Variants in ZNF469 observed in about 807,000 individuals in gnomAD.
ZNF469 encodes zinc finger protein 469.
ZNF469 carries 1 observed loss-of-function variant against 1.0 expected under a neutral mutation model. The ratio of observed to expected loss-of-function variants is 1.00; its 90% CI spans 0.35 to 4.73. The LOEUF is 4.73. Ranked by LOEUF, ZNF469 falls within the 30% of genes most tolerant of loss-of-function variation. ZNF469 has a pLI of 0.16. For missense variants in ZNF469, 6,100 were observed against 5,356.3 expected (o/e 1.14, Z -4.33); for synonymous variants, 2,703 against 2,363.4 (o/e 1.14, Z -4.17).
At chr16:88,397,373 T>C (rs115800288) in intron 1 of ZNF469, among the ~76,000 whole-genome samples, 1,676 of 152,268 alleles carry the variant, frequency 0.011, 39 homozygotes, top group African/African-American at 0.038. Context: ...GGAGTGCCTT[T>C]CCTTCATCAT....
rs1460917743 is a variant in ZNF469, at chr16:88,438,222, A to G, written c.10752A>G (p.Pro3584=). Reference sequence around the variant, plus strand: ...AGAGGCCAGAGAACGAGGCTTCCCCAGGCAGCCCCGGGCCTCTTCTCCAGC... The same window carrying G: ...AGAGGCCAGAGAACGAGGCTTCCCCGGGCAGCCCCGGGCCTCTTCTCCAGC... ...ALERPENEAS[P]GSPGPLLQQA... is the part of the protein sequence containing the mutation. The change falls in exon 3 of 3, where the codon CCA becomes CCG. Residue 3584 remains proline, a synonymous_variant. Coordinates refer to ENST00000565624, the MANE Select transcript of ZNF469 (RefSeq NM_001367624.2). 1 of 1,546,804 alleles carries G rather than the reference A, an allele frequency of 6.5e-7. No individual in the cohort carries two copies. The highest frequency in any genetic ancestry group is 2.5e-5 in the East Asian group (1 of 40,814).
chr16:88,143,329 C>T, the ZNF469 span, among the ~76,000 whole-genome samples: 1 of 152,252 alleles, frequency 6.6e-6, no homozygotes, highest in East Asian at 1.9e-4. Context: ...GGGCCGTCTC[C>T]AGCCTTAAGG....
chr16:88,286,407 G>A, the ZNF469 span, among the ~76,000 whole-genome samples: 4 of 152,220 alleles, frequency 2.6e-5, no homozygotes, highest in South Asian at 2.1e-4. Flanking sequence ...CTCTGAGCTC[G>A]CTGGTGCCCT....
the ZNF469 span, among the ~76,000 whole-genome samples, chr16:88,282,250 G>A: frequency 1.3e-5 from 2 of 152,194 alleles, no homozygotes; most frequent in Non-Finnish European, 1.5e-5. Flanking sequence ...GCTCCACAGG[G>A]GTGCACCTTG....
rs552446802 is a variant in ZNF469, at chr16:88,439,319, A to C, written c.11849A>C (p.Asp3950Ala). 2.6e-5 allele frequency: 41 copies of C among 1,550,324 alleles called. No individual in the cohort carries two copies. The East Asian group carries it at 9.0e-4, about 34-fold the overall frequency. The change falls in exon 3 of 3, where the codon GAT becomes GCT. Residue 3950 changes from aspartate to alanine, a missense_variant. Physicochemically the swap from Asp to Ala is moderately radical, Grantham distance 126 (BLOSUM62 -2). Transcript: ENST00000565624. The stretch of plus-strand genomic sequence containing the variant: ...GGCTTCAAAATCCCTTTAAAGAAAG[A>C]TGCTTCCGAGTAATTTCTAGGAGCA... ...LTGFKIPLKK[D>A]ASE
the ZNF469 span, among the ~76,000 whole-genome samples, chr16:88,107,491 T>C: frequency 6.6e-6 from 1 of 152,160 alleles, no homozygotes; most frequent in Non-Finnish European, 1.5e-5. Flanking sequence ...CACCGCCCCC[T>C]GGGCTCTCCC....
chr16:88,313,486 G>A, the ZNF469 span, among the ~76,000 whole-genome samples: 1 of 152,152 alleles, frequency 6.6e-6, no homozygotes, highest in African/African-American at 2.4e-5. Flanking sequence ...ATGCTGGTGT[G>A]GACTGTCTCT....
chr16:88,252,184 G>C, the ZNF469 span, among the ~76,000 whole-genome samples: 7,932 of 105,150 alleles, frequency 0.075, 1,301 homozygotes, highest in African/African-American at 0.23. Flanking sequence ...TCAAGAAGTG[G>C]CTCCACTCTG....
At chr16:88,286,650 C>A in the ZNF469 span, among the ~76,000 whole-genome samples, 5 of 152,246 alleles carry the variant, frequency 3.3e-5, no homozygotes, top group Admixed American at 6.5e-5. Context: ...TGACAAGATG[C>A]CATCATTCAG....
intron 1 of ZNF469, among the ~76,000 whole-genome samples, chr16:88,396,696 G>C (rs1904680089): frequency 6.7e-6 from 1 of 148,972 alleles, no homozygotes; most frequent in Non-Finnish European, 1.5e-5. Context: ...CGTCTGAAGG[G>C]AGGCCAGATG....
the ZNF469 span, among the ~76,000 whole-genome samples, chr16:88,131,117 G>A: frequency 0.033 from 5,017 of 151,896 alleles, no homozygotes; most frequent in African/African-American, 0.11. Context: ...ATCGTCTCCT[G>A]GAAATCAATT....
At chr16:88,116,066 C>G in the ZNF469 span, among the ~76,000 whole-genome samples, 1 of 152,224 alleles carries the variant, frequency 6.6e-6, no homozygotes, top group South Asian at 2.1e-4. Flanking sequence ...GGAAAGTATT[C>G]ACTAACACAC....
chr16:88,323,470 T>A, the ZNF469 span, among the ~76,000 whole-genome samples: 1 of 152,206 alleles, frequency 6.6e-6, no homozygotes, highest in Non-Finnish European at 1.5e-5. Context: ...CTGACATCAC[T>A]CAGCAGCAAA....
At chr16:88,208,321 C>T in the ZNF469 span, among the ~76,000 whole-genome samples, 8 of 150,788 alleles carry the variant, frequency 5.3e-5, no homozygotes, top group Non-Finnish European at 8.8e-5. Context: ...TGTCACGTGC[C>T]GCAATCTGGA....
chr16:88,345,027 A>G, the ZNF469 span, among the ~76,000 whole-genome samples: 1 of 152,178 alleles, frequency 6.6e-6, no homozygotes, highest in Admixed American at 6.5e-5. Flanking sequence ...AGAGCCCTAC[A>G]GCAGGTTCTA....
chr16:88,246,739 C>G, the ZNF469 span, among the ~76,000 whole-genome samples: 854 of 152,286 alleles, frequency 5.6e-3, 12 homozygotes, highest in African/African-American at 0.019. Flanking sequence ...AAAGAGGTGA[C>G]TGTGAGTGAG....
chr16:88,430,076 C>T lies in ZNF469; in HGVS notation c.2606C>T (p.Ala869Val). 2 of 1,550,362 alleles carry T rather than the reference C, an allele frequency of 1.3e-6. No homozygotes were observed. The highest frequency in any genetic ancestry group is 2.4e-5 in the East Asian group (1 of 40,922). Reference protein sequence around the residue: ...EIDSSFIDVFADEEPSGPRGP... With the variant: ...EIDSSFIDVFVDEEPSGPRGP... ...GACAGCAGCTTCATCGACGTCTTCG[C>T]GGACGAGGAGCCTTCCGGCCCCAGA... The change falls in exon 3 of 3, where the codon GCG (alanine) becomes GTG (valine). Residue 869 changes from alanine (A) to valine (V), a missense_variant. Coordinates refer to ENST00000565624, the MANE Select transcript of ZNF469 (RefSeq NM_001367624.2).
At chr16:88,223,606 C>T in the ZNF469 span, among the ~76,000 whole-genome samples, 2 of 152,286 alleles carry the variant, frequency 1.3e-5, no homozygotes, top group East Asian at 1.9e-4. Context: ...AGGATGCGTG[C>T]TTGGGAATGA....
chr16:88,350,821 T>C, the ZNF469 span, among the ~76,000 whole-genome samples: 1 of 152,116 alleles, frequency 6.6e-6, no homozygotes, highest in African/African-American at 2.4e-5. Context: ...TGCAGGCCTC[T>C]AGAATTTGGA....
Sources: gnomAD v4.1 joint callset for allele counts (sites outside exome capture counted in the v4.1 genomes callset) on GRCh38, gnomAD v4.1.1 for gene constraint, MANE v1.5 for transcripts, NCBI Gene and HGNC (gene_info 2026-07-23, HGNC 2026-07-21) for gene names.